GCNT1: variants seen among roughly 807,000 people sequenced by gnomAD.
GCNT1 encodes the protein glucosaminyl (N-acetyl) transferase 1, also known as beta-1,3-galactosyl-O-glycosyl-glycoprotein beta-1,6-N-acetylglucosaminyltransferase.
In GCNT1, 16 loss-of-function variants were observed where a neutral mutation model predicts 26.2. The observed-to-expected ratio is 0.61, with a 90% CI of 0.41 to 0.93. The LOEUF is 0.93. Ranked by LOEUF, GCNT1 falls within the 40% of genes least tolerant of loss-of-function variation. The probability of loss-of-function intolerance (pLI) is 0.00; values close to 1 mark genes in which losing one functional copy is unlikely to be tolerated. For missense variants in GCNT1, 477 were observed against 526.7 expected (o/e 0.91, Z 0.92); for synonymous variants, 183 against 190.8 (o/e 0.96, Z 0.34).
the GCNT1 span, among the ~76,000 whole-genome samples, chr9:76,414,494 G>A: frequency 1.6e-4 from 25 of 152,126 alleles, no homozygotes; most frequent in African/African-American, 6.0e-4. Context: ...ACAAAAGAAT[G>A]GCTATTCCAT....
the GCNT1 span, among the ~76,000 whole-genome samples, chr9:76,409,087 GT>G: frequency 6.6e-6 from 1 of 152,066 alleles, no homozygotes. Flanking sequence ...TGGGCCTGGT[GT>G]TTTTTGTTTT....
chr9:76,502,917 C>A lies in GCNT1; in HGVS notation c.536C>A (p.Ala179Asp), dbSNP rs1284593386. Residue 179 changes from alanine (A) to aspartate (D), a missense_variant, in exon 4 of 4, where the codon GCC (alanine) becomes GAC (aspartate). Physicochemically the swap from Ala to Asp is moderately radical, Grantham distance 126. Coordinates refer to ENST00000376730, the MANE Select transcript of GCNT1 (RefSeq NM_001490.5). ...IASCFSNVFV[A>D]SRLESVVYAS... ...TCCTGTTTTAGTAATGTCTTTGTGG[C>A]CAGCCGATTGGAGAGTGTGGTTTAT... 1 of 1,613,428 alleles carries A rather than the reference C, an allele frequency of 6.2e-7. No individual in the cohort carries two copies. Among genetic ancestry groups the A allele is most frequent in the Non-Finnish European group, 8.5e-7 (1 of 1,180,008 alleles).
At chr9:76,462,456 G>T (rs1204532170) in intron 2 of GCNT1, among the ~76,000 whole-genome samples, 1 of 152,090 alleles carries the variant, frequency 6.6e-6, no homozygotes, top group African/African-American at 2.4e-5. Context: ...ATTCTGTTGT[G>T]GGGGCTGTCC....
chr9:76,406,586 A>G, the GCNT1 span, among the ~76,000 whole-genome samples: 1 of 151,884 alleles, frequency 6.6e-6, no homozygotes, highest in African/African-American at 2.4e-5. Context: ...CTGTAGTCCC[A>G]GCTACTCAGG....
chr9:76,502,144 T>A (rs1013321817), intron 3 of GCNT1, 95 bp from the exon 4 acceptor site: 4 of 181,054 alleles, frequency 2.2e-5, no homozygotes, highest in African/African-American at 9.6e-5. Context: ...CTGAGAAGAT[T>A]TATTGTGAAA....
intron 2 of GCNT1, among the ~76,000 whole-genome samples, chr9:76,468,186 C>T (rs1231627117): frequency 3.3e-5 from 5 of 152,032 alleles, no homozygotes; most frequent in Non-Finnish European, 4.4e-5. Context: ...CGTGAGTCAC[C>T]GCGCGCCGAC....
upstream of GCNT1, among the ~76,000 whole-genome samples, chr9:76,416,879 T>C (rs573843137): frequency 8.7e-4 from 132 of 152,148 alleles, no homozygotes; most frequent in Middle Eastern, 0.024. Flanking sequence ...GCCATCATGG[T>C]GAAACCCTGT....
At chr9:76,409,606 C>G in the GCNT1 span, among the ~76,000 whole-genome samples, 2 of 151,836 alleles carry the variant, frequency 1.3e-5, no homozygotes, top group African/African-American at 4.8e-5. Context: ...CCACCATGGC[C>G]TGCTAATTTT....
At position 76,502,429 on chromosome 9, in the gene GCNT1, A is replaced by C; in HGVS notation, c.48A>C (p.Lys16Asn). ...GGAGACTTTTTTCTTATCCCACCAAATACTACTTTATGGTTCTTGTTTTAT... is the reference window on the plus strand; with the variant it reads ...GGAGACTTTTTTCTTATCCCACCAACTACTACTTTATGGTTCTTGTTTTAT... Reference protein sequence around the residue: ...LRRRLFSYPTKYYFMVLVLSL... With the variant: ...LRRRLFSYPTNYYFMVLVLSL... The change falls in exon 4 of 4, where the codon AAA (lysine) becomes AAC (asparagine). Residue 16 changes from lysine (K) to asparagine (N), a missense_variant. Physicochemically the swap from Lys to Asn is moderately conservative, Grantham distance 94 (BLOSUM62 0). Transcript: ENST00000376730. The C allele has an allele frequency of 1.2e-6, 2 of 1,613,684 alleles. No homozygotes were observed. The highest frequency in any genetic ancestry group is 1.7e-6 in the Non-Finnish European group (2 of 1,179,786).
rs981073650 is a variant in GCNT1 at position 76,506,362 on chromosome 9, A to G, written c.*2694A>G. ...AAGACCAGCCTAGCCAACATGACGA[A>G]ACCCCATCTCTACTGAAAATAGAAA... On this transcript the variant is annotated 3_prime_UTR_variant, in exon 4 of 4. Transcript: ENST00000376730. 1.2e-5 allele frequency: 2 copies of G among 166,894 alleles called. No homozygotes were observed. The highest frequency in any genetic ancestry group is 4.8e-5 in the African/African-American group (2 of 41,410). The allele number at this position is 166,894 out of a possible 1,614,324, so 10.3% of individuals were successfully genotyped here. A position where few individuals can be genotyped will look rare whatever the true frequency, so the allele number is the denominator to read the frequency against.
chr9:76,443,932 AGG>A, intron 1 of GCNT1, among the ~76,000 whole-genome samples: 1 of 37,696 alleles, frequency 2.7e-5, no homozygotes, highest in South Asian at 9.7e-4. Flanking sequence ...AAAGGAAGAA[AGG>A]AAGGAAGGAA....
the GCNT1 span, among the ~76,000 whole-genome samples, chr9:76,408,522 C>T: frequency 6.6e-6 from 1 of 152,016 alleles, no homozygotes; most frequent in South Asian, 2.1e-4. Context: ...GATCTTTTTA[C>T]ACATTGTTGG....
chr9:76,474,328 G>A (rs1233757621), intron 2 of GCNT1, among the ~76,000 whole-genome samples: 1 of 152,144 alleles, frequency 6.6e-6, no homozygotes, highest in Non-Finnish European at 1.5e-5. Flanking sequence ...TTGGAAGGCA[G>A]ACAAGAGGCA....
At chr9:76,412,198 C>T in the GCNT1 span, among the ~76,000 whole-genome samples, 4 of 152,156 alleles carry the variant, frequency 2.6e-5, no homozygotes, top group East Asian at 7.7e-4. Flanking sequence ...TTAATGAATG[C>T]TTATATTTTC....
In GCNT1 at chr9:76,503,675, C is replaced by T. The variant is rs111932037; in HGVS notation, c.*7C>T. 1.2e-3 allele frequency: 1,906 copies of T among 1,602,282 alleles called. 18 individuals are homozygous for T. The African/African-American group carries it at 0.021, about 18-fold the overall frequency. On this transcript the variant is annotated 3_prime_UTR_variant, in exon 4 of 4. Transcript: ENST00000376730. ...GGAGACATTAAAACACTGACCATTA[C>T]GGGCAATTTTATGAACAAGAAGAAG... is the stretch of plus-strand genomic sequence containing the variant.
intron 1 of GCNT1, among the ~76,000 whole-genome samples, chr9:76,428,292 T>TAAAAAAAAAAAAATAAAAAAAAAAAAAA (rs1279001629): frequency 1.2e-5 from 1 of 85,894 alleles, no homozygotes; most frequent in Non-Finnish European, 2.6e-5. Context: ...AAAAAAAACT[T>TAAAAAAAAAAAAATAAAAAAAAAAAAAA]AAAAAAAAAA....
chr9:76,500,425 G>A (rs1825032998), intron 2 of GCNT1, among the ~76,000 whole-genome samples: 1 of 152,128 alleles, frequency 6.6e-6, no homozygotes, highest in South Asian at 2.1e-4. Flanking sequence ...ATATTTTAGT[G>A]GTTGAAATTC....
Position 76,504,836 on chromosome 9 carries a change from CGAG to C in GCNT1, c.*1174_*1176del. The C allele has an allele frequency of 2.4e-6, 1 of 413,214 alleles. No individual in the cohort carries two copies. The highest frequency in any genetic ancestry group is 4.4e-6 in the Non-Finnish European group (1 of 226,104). The allele number at this position is 413,214 out of a possible 1,614,324, so 25.6% of individuals were successfully genotyped here. A position where few individuals can be genotyped will look rare whatever the true frequency, so the allele number is the denominator to read the frequency against. On this transcript the variant is annotated 3_prime_UTR_variant, in exon 4 of 4. Coordinates refer to ENST00000376730, the MANE Select transcript of GCNT1 (RefSeq NM_001490.5). ...AGTTTCCTCCTTTCTCAACCTTCCA[CGAG>C]GAGGAAAGAAGTGTGCAGTCATTCC...
chr9:76,458,780 GAA>G (rs769290928), upstream of GCNT1, among the ~76,000 whole-genome samples: 51 of 152,060 alleles, frequency 3.4e-4, 1 homozygote, highest in Admixed American at 7.8e-4. Flanking sequence ...TTAGGGGAGA[GAA>G]AAAAACACCT....
Sources: allele counts gnomAD v4.1 joint callset (sites outside exome capture counted in the v4.1 genomes callset), GRCh38; gene constraint gnomAD v4.1.1; transcripts MANE v1.5; gene names NCBI Gene and HGNC (gene_info 2026-07-23, HGNC 2026-07-21).